The following NELL1 variants were observed in gnomAD, a reference collection of about 807,000 sequenced individuals.
NELL1 encodes neural EGFL like 1.
Under a neutral mutation model 107.4 loss-of-function variants are expected in NELL1, and 76 were observed. The observed-to-expected ratio is 0.71, with a 90% CI of 0.59 to 0.86. NELL1 has a LOEUF of 0.86. NELL1 is among the 40% of genes least tolerant of loss of function. The pLI is 0.00. For synonymous variants in NELL1, 353 were observed against 341.2 expected (o/e 1.03, Z -0.38); for missense variants, 1,024 against 1,005.5 (o/e 1.02, Z -0.25).
intron 13 of NELL1, among the ~76,000 whole-genome samples, chr11:21,181,086 G>A (rs572568825): frequency 1.6e-4 from 24 of 151,860 alleles, no homozygotes; most frequent in Non-Finnish European, 2.8e-4. Context: ...CTCTCTCCCT[G>A]CAAGGTAACA....
At chr11:20,929,029 T>C (rs1161685869) in intron 9 of NELL1, among the ~76,000 whole-genome samples, 2 of 152,226 alleles carry the variant, frequency 1.3e-5, no homozygotes, top group Non-Finnish European at 2.9e-5. Flanking sequence ...GCTTAGTGAA[T>C]TCTCACAGCA....
At chr11:21,176,256 C>T (rs1177927920) in intron 13 of NELL1, among the ~76,000 whole-genome samples, 1 of 151,922 alleles carries the variant, frequency 6.6e-6, no homozygotes, top group Non-Finnish European at 1.5e-5. Flanking sequence ...ATACCAAGAA[C>T]CTCACTTTGT....
Position 21,560,264 on chromosome 11 carries a change from A to G in NELL1, c.1862A>G (p.Asp621Gly). The G allele has an allele frequency of 6.2e-7, 1 of 1,613,596 alleles. No individual in the cohort carries two copies. Among genetic ancestry groups the G allele is most frequent in the Non-Finnish European group, 8.5e-7 (1 of 1,179,726 alleles). ...TGCATCAACCTGGCAGGGGGCTTTGACTGTCTCTGCCCCTCTGGGCCCTCC... is the reference window on the plus strand; with the variant it reads ...TGCATCAACCTGGCAGGGGGCTTTGGCTGTCTCTGCCCCTCTGGGCCCTCC... ...SACINLAGGFDCLCPSGPSCS... is the reference protein window; with the variant it reads ...SACINLAGGFGCLCPSGPSCS... Residue 621 changes from aspartate to glycine, a missense_variant, in exon 17 of 20, where the codon GAC (aspartate) becomes GGC (glycine). Asp to Gly is a moderately conservative substitution (Grantham distance 94). Transcript: ENST00000357134.
intron 15 of NELL1, among the ~76,000 whole-genome samples, chr11:21,497,900 C>A (rs1302246365): frequency 6.6e-6 from 1 of 151,894 alleles, no homozygotes; most frequent in South Asian, 2.1e-4. Context: ...CATATTATTT[C>A]CATTTTATTA....
chr11:20,748,203 A>G (rs1856046727), intron 2 of NELL1, among the ~76,000 whole-genome samples: 1 of 152,058 alleles, frequency 6.6e-6, no homozygotes, highest in African/African-American at 2.4e-5. Flanking sequence ...CCTAAGAATC[A>G]TTAGGTGGTC....
chr11:21,444,990 A>C (rs1853383795), intron 15 of NELL1, among the ~76,000 whole-genome samples: 1 of 152,182 alleles, frequency 6.6e-6, no homozygotes, highest in Admixed American at 6.5e-5. Context: ...CTTATAACCC[A>C]TTATTTTAAA....
chr11:21,424,572 G>C (rs1260528799), intron 15 of NELL1, among the ~76,000 whole-genome samples: 1 of 152,078 alleles, frequency 6.6e-6, no homozygotes, highest in East Asian at 1.9e-4. Context: ...AGTGAGCTGA[G>C]ACCTCACCAC....
chr11:21,307,395 CAGAAAAAAA>C (rs1010213959), intron 14 of NELL1, among the ~76,000 whole-genome samples: 5 of 150,816 alleles, frequency 3.3e-5, no homozygotes, highest in African/African-American at 1.2e-4. Context: ...ATTTATGTAA[CAGAAAAAAA>C]AGAAAAAAAG....
Position 21,470,040 on chromosome 11 carries a change from A to C in NELL1, c.1646-64334A>C, listed in dbSNP as rs948743473. Among the ~76,000 whole-genome samples the C allele has an allele frequency of 3.1e-4, 47 of 152,106 alleles. 1 individual carries two copies. The highest frequency in any genetic ancestry group is 5.0e-4 in the Non-Finnish European group (34 of 68,000). On this transcript the variant is annotated intron_variant, in intron 15 of 19. Transcript: ENST00000357134. ...CTTGATTAATGATATCCAAGCTTCA[A>C]TAGTAATTAACAATTACTCTATGCC...
intron 12 of NELL1, among the ~76,000 whole-genome samples, chr11:21,036,931 G>A (rs1379871079): frequency 6.6e-6 from 1 of 151,588 alleles, no homozygotes; most frequent in Non-Finnish European, 1.5e-5. Context: ...GTTATTATTA[G>A]TCTTATTTCA....
In NELL1 at chr11:21,451,465, T is replaced by C. The variant is rs182474033; in HGVS notation, c.1645+80517T>C. ...CTGGGTTTTTTCCTGGAGACAATTA[T>C]CCAAATATATGGAGTATTATAAAAT... On this transcript the variant is annotated intron_variant, in intron 15 of 19. Transcript: ENST00000357134. Among the ~76,000 whole-genome samples, 87 of 152,238 alleles carry C rather than the reference T, an allele frequency of 5.7e-4. 1 individual carries two copies. In the South Asian group the frequency reaches 7.3e-3, roughly 13 times the overall value.
chr11:21,246,381 C>A (rs1214783604), intron 14 of NELL1, among the ~76,000 whole-genome samples: 1 of 148,314 alleles, frequency 6.7e-6, no homozygotes, highest in East Asian at 2.0e-4. Flanking sequence ...TTGGAGAATG[C>A]CAAAGCTTTC....
intron 15 of NELL1, among the ~76,000 whole-genome samples, chr11:21,520,509 G>T (rs944687461): frequency 6.6e-6 from 1 of 152,146 alleles, no homozygotes; most frequent in Non-Finnish European, 1.5e-5. Flanking sequence ...CTGGCCTATA[G>T]GGGTGGTAAT....
At chr11:20,876,396 G>A (rs1849304711) in intron 4 of NELL1, among the ~76,000 whole-genome samples, 1 of 152,198 alleles carries the variant, frequency 6.6e-6, no homozygotes. Flanking sequence ...TCATGTCCTG[G>A]TTTCAGCCCT....
chr11:21,393,471 C>A (rs956735987), intron 15 of NELL1, among the ~76,000 whole-genome samples: 4 of 151,718 alleles, frequency 2.6e-5, no homozygotes, highest in Admixed American at 1.3e-4. Flanking sequence ...AAAAAAAATT[C>A]TGTGGCTGAT....
At chr11:21,311,794 GTAT>G (rs1849755286) in intron 14 of NELL1, among the ~76,000 whole-genome samples, 1 of 152,046 alleles carries the variant, frequency 6.6e-6, no homozygotes, top group Non-Finnish European at 1.5e-5. Flanking sequence ...AAACTCAGAG[GTAT>G]TATTATTTCA....
At chr11:21,252,096 A>T (rs1858654222) in intron 14 of NELL1, among the ~76,000 whole-genome samples, 1 of 152,176 alleles carries the variant, frequency 6.6e-6, no homozygotes, top group Non-Finnish European at 1.5e-5. Context: ...TCCAAAGGAC[A>T]TTCATTATTC....
intron 8 of NELL1, among the ~76,000 whole-genome samples, chr11:20,927,785 T>G (rs542459056): frequency 1.3e-3 from 194 of 152,328 alleles, no homozygotes; most frequent in Non-Finnish European, 2.2e-3. Context: ...CAGAATAACT[T>G]TAAAAGGGGA....
intron 13 of NELL1, among the ~76,000 whole-genome samples, chr11:21,125,962 A>G (rs1295092049): frequency 6.6e-6 from 1 of 152,204 alleles, no homozygotes; most frequent in Non-Finnish European, 1.5e-5. Flanking sequence ...GAATCTTACA[A>G]GGAGTGAATG....
Sources: gnomAD v4.1 joint callset for allele counts (sites outside exome capture counted in the v4.1 genomes callset) on GRCh38, gnomAD v4.1.1 for gene constraint, MANE v1.5 for transcripts, NCBI Gene and HGNC (gene_info 2026-07-23, HGNC 2026-07-21) for gene names.